NLGN1: variants seen among roughly 807,000 people sequenced by gnomAD.
NLGN1 encodes neuroligin 1.
NLGN1 carries 12 observed loss-of-function variants against 65.5 expected under a neutral mutation model. The observed-to-expected ratio is 0.18, with a 90% CI of 0.12 to 0.30. The LOEUF is 0.30. Among genes scored for constraint, NLGN1 ranks in the 10% least tolerant of loss-of-function variants. The probability of loss-of-function intolerance (pLI) is 1.00; values close to 1 mark genes in which losing one functional copy is unlikely to be tolerated. For missense variants in NLGN1, 750 were observed against 1,007.1 expected, an observed-to-expected ratio of 0.74 and a Z score of 3.46; for synonymous variants, 350 against 359.5, an observed-to-expected ratio of 0.97 and a Z score of 0.30.
chr3:174,225,728 C>G (rs141235731), intron 4 of NLGN1, among the ~76,000 whole-genome samples: 4,492 of 146,326 alleles, frequency 0.031, 90 homozygotes, highest in Middle Eastern at 0.08. Context: ...GAGACTCCGT[C>G]TCAAAAAAAA....
At chr3:173,692,612 T>TG (rs1765633907) in intron 3 of NLGN1, among the ~76,000 whole-genome samples, 1 of 152,076 alleles carries the variant, frequency 6.6e-6, no homozygotes, top group Non-Finnish European at 1.5e-5. Flanking sequence ...TACTTTAGTG[T>TG]TTATATTGAG....
At chr3:173,435,830 C>T (rs1371562956) in intron 2 of NLGN1, among the ~76,000 whole-genome samples, 2 of 151,800 alleles carry the variant, frequency 1.3e-5, no homozygotes, top group African/African-American at 2.4e-5. Flanking sequence ...GCAAGACTCC[C>T]TTTAAAGAAA....
At chr3:173,416,948 C>G (rs1477255955) in intron 1 of NLGN1, among the ~76,000 whole-genome samples, 1 of 152,086 alleles carries the variant, frequency 6.6e-6, no homozygotes, top group African/African-American at 2.4e-5. Context: ...CATGATCAAA[C>G]TGTAATATTC....
chr3:173,479,182 A>G (rs147726338), intron 2 of NLGN1, among the ~76,000 whole-genome samples: 15 of 152,278 alleles, frequency 9.9e-5, no homozygotes, highest in African/African-American at 3.6e-4. Flanking sequence ...ACATAAAAAT[A>G]AGGGCTATGA....
At position 173,996,009 on chromosome 3, in the gene NLGN1, A is replaced by G. The variant is rs1722207952; in HGVS notation, c.646+188177A>G. ...CCCTTGTGTTTTGTTTTTAACCATAACAATCACTTTAGTTTGTTTTAAAAT... is the reference window on the plus strand; with the variant it reads ...CCCTTGTGTTTTGTTTTTAACCATAGCAATCACTTTAGTTTGTTTTAAAAT... On this transcript the variant is annotated intron_variant, in intron 4 of 6. Transcript: ENST00000457714. Among the ~76,000 whole-genome samples the G allele has an allele frequency of 2.0e-5, 3 of 152,148 alleles. No homozygotes were observed. In the South Asian group the frequency reaches 6.2e-4, roughly 32 times the overall value.
chr3:174,285,984 T>C (rs1752069909), exon 7 of NLGN1: 1 of 151,386 alleles, frequency 6.6e-6, no homozygotes, highest in African/African-American at 2.4e-5. Context: ...GTGACAATTA[T>C]ATAGGCATCT....
chr3:174,093,572 T>C (rs1744927739), intron 4 of NLGN1, among the ~76,000 whole-genome samples: 1 of 152,330 alleles, frequency 6.6e-6, no homozygotes, highest in African/African-American at 2.4e-5. Flanking sequence ...TGCTAATGCC[T>C]AGCAATAGGT....
chr3:173,737,989 T>A (rs1245197614), intron 3 of NLGN1, among the ~76,000 whole-genome samples: 1 of 152,098 alleles, frequency 6.6e-6, no homozygotes. Context: ...TGATTTGTAT[T>A]TCCCTGAAGG....
chr3:173,799,275 CAAAA>C (rs980329515), intron 3 of NLGN1, among the ~76,000 whole-genome samples: 39 of 151,764 alleles, frequency 2.6e-4, no homozygotes, highest in African/African-American at 8.9e-4. Context: ...GTTGTGGAAA[CAAAA>C]AAAGAATGTG....
chr3:173,969,893 A>C (rs1278592440), intron 4 of NLGN1, among the ~76,000 whole-genome samples: 1 of 151,876 alleles, frequency 6.6e-6, no homozygotes, highest in East Asian at 1.9e-4. Context: ...AGATTTCTGC[A>C]TGGAGAAGAT....
chr3:174,255,998 A>G (rs1745682678), intron 4 of NLGN1, among the ~76,000 whole-genome samples: 1 of 152,152 alleles, frequency 6.6e-6, no homozygotes, highest in Non-Finnish European at 1.5e-5. Context: ...TTATAAAGGA[A>G]GTTTTAAATG....
At chr3:173,547,841 G>C (rs567123761) in intron 2 of NLGN1, among the ~76,000 whole-genome samples, 2 of 152,056 alleles carry the variant, frequency 1.3e-5, no homozygotes, top group African/African-American at 4.8e-5. Flanking sequence ...GCAGGAAGGA[G>C]TACAATTTCT....
intron 3 of NLGN1, among the ~76,000 whole-genome samples, chr3:173,617,525 T>C (rs897896653): frequency 6.6e-6 from 1 of 152,216 alleles, no homozygotes; most frequent in African/African-American, 2.4e-5. Context: ...TCCTTTCTGC[T>C]ATGCCATCAC....
intron 3 of NLGN1, among the ~76,000 whole-genome samples, chr3:173,714,700 G>A (rs183666958): frequency 6.6e-6 from 1 of 152,166 alleles, no homozygotes; most frequent in East Asian, 1.9e-4. Flanking sequence ...AAGGGAGTGG[G>A]GAAGAGTACA....
intron 1 of NLGN1, among the ~76,000 whole-genome samples, chr3:173,432,448 G>T (rs142259523): frequency 6.6e-6 from 1 of 152,130 alleles, no homozygotes; most frequent in African/African-American, 2.4e-5. Flanking sequence ...TACCTCGTTA[G>T]TGTTTTAAGT....
chr3:174,117,355 G>A (rs35745681), intron 4 of NLGN1, among the ~76,000 whole-genome samples: 4,067 of 152,070 alleles, frequency 0.027, 89 homozygotes, highest in Non-Finnish European at 0.04. Context: ...GGTAGCTCAC[G>A]CCTGTAATCC....
intron 2 of NLGN1, among the ~76,000 whole-genome samples, chr3:173,572,415 T>G (rs572840834): frequency 6.6e-6 from 1 of 152,354 alleles, no homozygotes; most frequent in South Asian, 2.1e-4. Context: ...ATAGATTGGA[T>G]GAAAGTTAGA....
intron 4 of NLGN1, among the ~76,000 whole-genome samples, chr3:174,057,348 A>T (rs1240064636): frequency 2.0e-5 from 3 of 151,990 alleles, no homozygotes; most frequent in Non-Finnish European, 4.4e-5. Flanking sequence ...CACCTTATGG[A>T]GATGTGTATG....
At chr3:174,157,236 A>T (rs1577138695) in intron 4 of NLGN1, among the ~76,000 whole-genome samples, 1 of 151,686 alleles carries the variant, frequency 6.6e-6, no homozygotes, top group Non-Finnish European at 1.5e-5. Context: ...GATGCTTCTT[A>T]ATAAGATGCT....
Sources: gnomAD v4.1 joint callset for allele counts (sites outside exome capture counted in the v4.1 genomes callset) on GRCh38, gnomAD v4.1.1 for gene constraint, MANE v1.5 for transcripts, NCBI Gene and HGNC (gene_info 2026-07-23, HGNC 2026-07-21) for gene names.